The following USP33 variants were observed in gnomAD, a reference collection of about 807,000 sequenced individuals.
USP33 encodes ubiquitin specific peptidase 33.
In USP33, 46 loss-of-function variants were observed where a neutral mutation model predicts 124.2. The observed-to-expected ratio is 0.37, with a 90% CI of 0.29 to 0.47. The LOEUF (loss-of-function observed/expected upper bound fraction) is 0.47. Among genes scored for constraint, USP33 ranks in the 20% least tolerant of loss-of-function variants. The pLI, the probability that USP33 is intolerant of heterozygous loss-of-function variation, is 0.99. For missense variants in USP33, 851 were observed against 1,070.6 expected (o/e 0.79, Z 2.86); for synonymous variants, 350 against 352.3 (o/e 0.99, Z 0.07).
Position 77,718,011 on chromosome 1 carries a change from G to C in USP33, c.1774C>G (p.Leu592Val). Reference sequence around the variant, plus strand: ...GTACTGATTTTGGTGGAAAACATTAGTTCATGTCTGAATCTTTTAAGGTGG... The same window carrying C: ...GTACTGATTTTGGTGGAAAACATTACTTCATGTCTGAATCTTTTAAGGTGG... ...CIHLKRFRHE[L>V]MFSTKISTHV... The change falls in exon 17 of 24, where the codon CTA (leucine) becomes GTA (valine). Residue 592 changes from leucine (L) to valine (V), a missense_variant. Transcript: ENST00000370794. 1 of 1,609,334 alleles carries C rather than the reference G, an allele frequency of 6.2e-7. No individual in the cohort carries two copies. Among genetic ancestry groups the C allele is most frequent in the African/African-American group, 1.3e-5 (1 of 74,846 alleles).
intron 5 of USP33, among the ~76,000 whole-genome samples, chr1:77,736,502 T>C (rs114875991): frequency 0.019 from 2,881 of 152,336 alleles, 52 homozygotes; most frequent in Middle Eastern, 0.095. Flanking sequence ...TCCTACACTG[T>C]CTTCTCAGAT....
chr1:77,707,278 TC>T (rs1674737406), intron 21 of USP33, among the ~76,000 whole-genome samples: 1 of 152,144 alleles, frequency 6.6e-6, no homozygotes, highest in South Asian at 2.1e-4. Context: ...CTGCAGAGGC[TC>T]TAGGGGAAGA....
At chr1:77,697,522 A>G (rs780436646) in intron 23 of USP33, 48 bp from the exon 24 acceptor site, 3 of 1,538,958 alleles carry the variant, frequency 1.9e-6, no homozygotes, top group Non-Finnish European at 2.6e-6. Flanking sequence ...ATATATTCAT[A>G]TTGCAAAAGC....
At chr1:77,718,884 G>A (rs559692771) in intron 15 of USP33, among the ~76,000 whole-genome samples, 7 of 136,436 alleles carry the variant, frequency 5.1e-5, no homozygotes, top group Admixed American at 8.0e-5. Context: ...AGCCAAGATC[G>A]CACCATTGTA....
At chr1:77,717,805 C>G (rs574788940) in intron 17 of USP33, 62 bp downstream of exon 17, 1 of 1,432,094 alleles carries the variant, frequency 7.0e-7, no homozygotes, top group African/African-American at 1.4e-5. Context: ...TGAGCCACCA[C>G]GCCCAGGCTT....
At chr1:77,741,878 G>A (rs1679163287) in intron 1 of USP33, 130 bp from the exon 2 acceptor site, 5 of 895,138 alleles carry the variant, frequency 5.6e-6, no homozygotes, top group Non-Finnish European at 7.7e-6. Flanking sequence ...AATGATATAA[G>A]TTTGCCCTGT....
intron 1 of USP33, among the ~76,000 whole-genome samples, chr1:77,748,386 A>G (rs1679941763): frequency 6.6e-6 from 1 of 152,050 alleles, no homozygotes. Context: ...AATGGTCTTG[A>G]TGGGCTGGGC....
chr1:77,748,792 CG>C (rs1476288179), intron 1 of USP33, among the ~76,000 whole-genome samples: 3 of 132,320 alleles, frequency 2.3e-5, no homozygotes, highest in South Asian at 2.7e-4. Flanking sequence ...CCCCCCCCCC[CG>C]TGCTTGAATC....
At chr1:77,751,470 C>T (rs914427341) in intron 1 of USP33, among the ~76,000 whole-genome samples, 1 of 151,968 alleles carries the variant, frequency 6.6e-6, no homozygotes, top group African/African-American at 2.4e-5. Flanking sequence ...CTGGGCAACA[C>T]GGCAATACCC....
At chr1:77,713,688 T>G (rs1391416923) in intron 19 of USP33, among the ~76,000 whole-genome samples, 2 of 151,796 alleles carry the variant, frequency 1.3e-5, no homozygotes, top group Admixed American at 6.6e-5. Flanking sequence ...TGAGCCATTG[T>G]GTCTGGCCAT....
At chr1:77,729,967 AT>A in intron 8 of USP33, 29 bp from the exon 9 acceptor site, 2 of 1,552,362 alleles carry the variant, frequency 1.3e-6, no homozygotes, top group Non-Finnish European at 1.7e-6. Context: ...TTAAAGAGCA[AT>A]TTTTGTTATT....
At chr1:77,718,824 G>C (rs1676217915) in intron 15 of USP33, 183 bp from the exon 16 acceptor site, 1 of 501,578 alleles carries the variant, frequency 2.0e-6, no homozygotes, top group African/African-American at 2.0e-5. Flanking sequence ...AGATACTCAG[G>C]AGGCTGAGGC....
At chr1:77,746,749 C>T (rs1478588356) in intron 1 of USP33, among the ~76,000 whole-genome samples, 1 of 152,162 alleles carries the variant, frequency 6.6e-6, no homozygotes, top group African/African-American at 2.4e-5. Context: ...AAACATAATC[C>T]ATCATATAAA....
rs557885278 is a variant in USP33 at position 77,750,644 on chromosome 1, G to C, written c.-51-8896C>G. On this transcript the variant is annotated intron_variant, in intron 1 of 23. Coordinates refer to ENST00000370794, the MANE Select transcript of USP33 (RefSeq NM_201624.3). ...CTTAAAAAAGAAAGAAAGAAAGAAAGAAAGAAAGAAAGAAAGAAAGAAAGA... is the reference window on the plus strand; with the variant it reads ...CTTAAAAAAGAAAGAAAGAAAGAAACAAAGAAAGAAAGAAAGAAAGAAAGA... Among the ~76,000 whole-genome samples, 133 of 143,846 alleles carry C rather than the reference G, an allele frequency of 9.2e-4. 1 individual carries two copies. Among genetic ancestry groups the C allele is most frequent in the African/African-American group, 3.3e-3 (125 of 37,852 alleles). 94.4% of individuals were successfully genotyped at this position (143,846 alleles called of 152,430 possible).
intron 22 of USP33, among the ~76,000 whole-genome samples, chr1:77,700,662 G>A (rs1673901764): frequency 6.6e-6 from 1 of 150,810 alleles, no homozygotes; most frequent in Non-Finnish European, 1.5e-5. Flanking sequence ...GCTTTAACTA[G>A]GCATATTGTT....
intron 19 of USP33, 185 bp from the exon 20 acceptor site, chr1:77,713,466 C>A: frequency 2.0e-6 from 1 of 501,916 alleles, no homozygotes; most frequent in South Asian, 2.8e-5. Context: ...TCACAGCAGC[C>A]TCAAAATTCC....
chr1:77,736,789 T>C (rs1227482389), intron 5 of USP33, among the ~76,000 whole-genome samples: 1 of 152,116 alleles, frequency 6.6e-6, no homozygotes, highest in Non-Finnish European at 1.5e-5. Context: ...TTTGTATTTT[T>C]AGTAGAGAAG....
At chr1:77,720,164 T>C (rs567365114) in intron 15 of USP33, among the ~76,000 whole-genome samples, 2 of 2,512 alleles carry the variant, frequency 8.0e-4, no homozygotes, top group South Asian at 0.011. Context: ...ATGTCTCAAA[T>C]GAAAAAAAAA....
chr1:77,739,477 T>C, intron 4 of USP33, 60 bp from the exon 5 acceptor site: 16 of 1,469,058 alleles, frequency 1.1e-5, no homozygotes, highest in Non-Finnish European at 1.5e-5. Flanking sequence ...TTGAAAAGAC[T>C]TCTTCAAAAG....
Sources: gnomAD v4.1 joint callset for allele counts (sites outside exome capture counted in the v4.1 genomes callset) on GRCh38, gnomAD v4.1.1 for gene constraint, MANE v1.5 for transcripts, NCBI Gene and HGNC (gene_info 2026-07-23, HGNC 2026-07-21) for gene names.